The following MYO7A variants were observed in gnomAD, a reference collection of about 807,000 sequenced individuals.
MYO7A encodes unconventional myosin-VIIa.
A neutral mutation model predicts 263.8 loss-of-function variants in MYO7A; 210 were observed. The observed-to-expected ratio is 0.80, with a 90% confidence interval of 0.71 to 0.89. The LOEUF (loss-of-function observed/expected upper bound fraction) is 0.89. MYO7A is among the 40% of genes least tolerant of loss of function. MYO7A has a pLI of 0.00. For missense variants in MYO7A, 2,820 were observed against 2,968.3 expected (o/e 0.95, Z 1.16); for synonymous variants, 1,239 against 1,197.3 (o/e 1.03, Z -0.72).
At chr11:77,178,598 C>T (rs1954884025) in intron 19 of MYO7A, among the ~76,000 whole-genome samples, 1 of 152,194 alleles carries the variant, frequency 6.6e-6, no homozygotes, top group South Asian at 2.1e-4. Context: ...CTGAAGATGA[C>T]TGTTCTCCTA....
In MYO7A at chr11:77,190,085, A is replaced by G. The variant is rs1286111402; in HGVS notation, c.3696A>G (p.Arg1232=). Residue 1232 remains arginine (R), a synonymous_variant, in exon 29 of 49, where the codon AGA becomes AGG. Transcript: ENST00000409709. ...GYAPYCEERL[R]RTFVNGTRTQ... ...CCCCGTACTGTGAGGAGCGCCTGAGAAGGACCTTTGTCAATGGGACACGGA... is the reference window on the plus strand; with the variant it reads ...CCCCGTACTGTGAGGAGCGCCTGAGGAGGACCTTTGTCAATGGGACACGGA... The G allele has an allele frequency of 1.9e-6, 3 of 1,579,532 alleles. No homozygotes were observed. The highest frequency in any genetic ancestry group is 1.8e-5 in the Admixed American group (1 of 54,748).
chr11:77,212,653 G>C, intron 46 of MYO7A: 1 of 483,004 alleles, frequency 2.1e-6, no homozygotes, highest in South Asian at 2.4e-5. Flanking sequence ...GCTGTGCGAG[G>C]AGAACAGGTA....
chr11:77,200,710 A>G (rs2135690976), intron 35 of MYO7A, among the ~76,000 whole-genome samples: 1 of 152,304 alleles, frequency 6.6e-6, no homozygotes, highest in Middle Eastern at 3.4e-3. Context: ...TGTGCCTTTA[A>G]TCTGTAGCCT....
At chr11:77,212,098 T>C (rs892929320) in intron 46 of MYO7A, 161 bp downstream of exon 46, 2 of 711,366 alleles carry the variant, frequency 2.8e-6, no homozygotes, top group African/African-American at 1.7e-5. Context: ...CTTAGCGTCT[T>C]AGCTGGGGTA....
intron 15 of MYO7A, among the ~76,000 whole-genome samples, chr11:77,169,906 TC>T (rs1248108016): frequency 6.6e-6 from 1 of 151,924 alleles, no homozygotes; most frequent in Non-Finnish European, 1.5e-5. Context: ...CAAAATCCCA[TC>T]TCTACAAAAA....
At position 77,130,570 on chromosome 11, in the gene MYO7A, A is replaced by G; in HGVS notation, c.-46-19A>G. On this transcript the variant is annotated intron_variant, in intron 1 of 48. Transcript: ENST00000409709. ...GGGCTGGCCTGCCCAGAAGCATGAC[A>G]TGGTCTCTCTCCCTGCAGAACTGTG... 2 of 1,594,994 alleles carry G rather than the reference A, an allele frequency of 1.3e-6. No individual in the cohort carries two copies. Among genetic ancestry groups the G allele is most frequent in the Non-Finnish European group, 8.6e-7 (1 of 1,168,284 alleles).
intron 42 of MYO7A, among the ~76,000 whole-genome samples, chr11:77,208,137 A>C (rs1431045953): frequency 6.6e-6 from 1 of 152,144 alleles, no homozygotes. Context: ...GATGCCAGAG[A>C]ATGTCCAAGC....
chr11:77,194,341 T>TC lies in MYO7A; in HGVS notation c.4153-7dup. On this transcript the variant is annotated splice_polypyrimidine_tract_variant and intron_variant, in intron 31 of 48. Coordinates refer to ENST00000409709, the MANE Select transcript of MYO7A (RefSeq NM_000260.4). ...CCTGGGCCAATGCATGACCGAGGCC[T>TC]CCCCCCACCTAGGAGGACGACCTGG... The TC allele has an allele frequency of 6.2e-7, 1 of 1,608,328 alleles. No homozygotes were observed. The highest frequency in any genetic ancestry group is 8.5e-7 in the Non-Finnish European group (1 of 1,177,556).
chr11:77,201,029 C>A (rs3781690), intron 35 of MYO7A, among the ~76,000 whole-genome samples: 89,014 of 151,732 alleles, frequency 0.59, 26,596 homozygotes, highest in African/African-American at 0.69. Context: ...GGCCCCATGC[C>A]GACTGGGGTC....
chr11:77,205,443 C>T lies in MYO7A; in HGVS notation c.5481-19C>T, dbSNP rs1403070253. The T allele has an allele frequency of 6.4e-7, 1 of 1,552,010 alleles. No homozygotes were observed. The highest frequency in any genetic ancestry group is 1.9e-5 in the Admixed American group (1 of 51,362). On this transcript the variant is annotated intron_variant, in intron 39 of 48. Transcript: ENST00000409709. ...CCGATGGCAGCTGCCCCTGCTGGAGCCCACGCCTCCTCCTGCAGGTACAGC... is the reference window on the plus strand; with the variant it reads ...CCGATGGCAGCTGCCCCTGCTGGAGTCCACGCCTCCTCCTGCAGGTACAGC...
Position 77,184,696 on chromosome 11 carries a change from A to G in MYO7A, c.3484A>G (p.Ile1162Val). The change falls in exon 27 of 49, where the codon ATC (isoleucine) becomes GTC (valine). Residue 1162 changes from isoleucine (I) to valine (V), a missense_variant. Physicochemically the swap from Ile to Val is conservative, Grantham distance 29. Coordinates refer to ENST00000409709, the MANE Select transcript of MYO7A (RefSeq NM_000260.4). The stretch of plus-strand genomic sequence containing the variant: ...GCTGCACTTCATCATCGGCAATGGC[A>G]TCCTGCGGCCAGCACTCCGGTCAGT... ...EKLHFIIGNG[I>V]LRPALRDEIY... The G allele has an allele frequency of 6.2e-7, 1 of 1,600,412 alleles. No homozygotes were observed. Among genetic ancestry groups the G allele is most frequent in the South Asian group, 1.1e-5 (1 of 89,204 alleles).
At chr11:77,164,959 C>T (rs1051079460) in intron 14 of MYO7A, among the ~76,000 whole-genome samples, 3 of 152,212 alleles carry the variant, frequency 2.0e-5, no homozygotes, top group Non-Finnish European at 4.4e-5. Context: ...AATACAGCGT[C>T]TTATTTATGA....
chr11:77,161,175 C>A, intron 12 of MYO7A, 60 bp downstream of exon 12: 2 of 1,599,688 alleles, frequency 1.3e-6, no homozygotes, highest in Non-Finnish European at 1.7e-6. Flanking sequence ...TAAGAAATAT[C>A]ACGTCTCTCC....
At chr11:77,197,398 G>A in intron 32 of MYO7A, 83 bp from the exon 33 acceptor site, 1 of 1,117,536 alleles carries the variant, frequency 8.9e-7, no homozygotes, top group Non-Finnish European at 1.3e-6. Flanking sequence ...GGCTGCTCCT[G>A]GCTAGAAGGC....
Position 77,190,645 on chromosome 11 carries a change from C to T in MYO7A, c.3751-52C>T, listed in dbSNP as rs960402296. The T allele has an allele frequency of 3.3e-6, 5 of 1,534,372 alleles. No homozygotes were observed. In the African/African-American group the frequency reaches 6.9e-5, roughly 21 times the overall value. On this transcript the variant is annotated intron_variant, in intron 29 of 48. Coordinates refer to ENST00000409709, the MANE Select transcript of MYO7A (RefSeq NM_000260.4). ...AGCAGAGAGCCAAAGTCCAGAGGGGCAGGCAGGTCTGAAGGGAAGGGACCC... is the reference window on the plus strand; with the variant it reads ...AGCAGAGAGCCAAAGTCCAGAGGGGTAGGCAGGTCTGAAGGGAAGGGACCC...
chr11:77,204,045 T>A (rs1957261043), intron 38 of MYO7A, 31 bp from the exon 39 acceptor site: 1 of 1,572,374 alleles, frequency 6.4e-7, no homozygotes, highest in Non-Finnish European at 8.6e-7. Context: ...CTCCCTCTAT[T>A]CGGCACAAGC....
intron 3 of MYO7A, among the ~76,000 whole-genome samples, chr11:77,146,896 C>A (rs547531005): frequency 6.3e-4 from 96 of 152,204 alleles, no homozygotes; most frequent in African/African-American, 2.2e-3. Context: ...CCTGAGGAAA[C>A]CAGGGCTTTG....
intron 46 of MYO7A, 140 bp downstream of exon 46, chr11:77,212,077 C>A: frequency 1.3e-6 from 1 of 759,856 alleles, no homozygotes; most frequent in Non-Finnish European, 2.3e-6. Context: ...GCACCCTCAG[C>A]CTTGTCCCAG....
Position 77,162,249 on chromosome 11 carries a change from C to T in MYO7A, c.1473C>T (p.Asp491=), listed in dbSNP as rs1555069474. 6.4e-7 allele frequency: 1 copy of T among 1,561,528 alleles called. No homozygotes were observed. The highest frequency in any genetic ancestry group is 8.7e-7 in the Non-Finnish European group (1 of 1,152,184). ...ACTGGCTGCACATCGAGTTCACTGA[C>T]AACCAGGATGCCCTGGACATGATTG... ...SIDWLHIEFT[D]NQDALDMIAN... The change falls in exon 13 of 49, where the codon GAC becomes GAT. Residue 491 remains aspartate (D), a synonymous_variant. Transcript: ENST00000409709.
Sources: gnomAD v4.1 joint callset for allele counts (sites outside exome capture counted in the v4.1 genomes callset) on GRCh38, gnomAD v4.1.1 for gene constraint, MANE v1.5 for transcripts, NCBI Gene and HGNC (gene_info 2026-07-23, HGNC 2026-07-21) for gene names.